Variants in OR10H1 observed in about 807,000 individuals in gnomAD.
OR10H1 encodes olfactory receptor family 10 subfamily H member 1, also known as olfactory receptor 10H1.
Under a neutral mutation model 13.1 loss-of-function variants are expected in OR10H1, and 12 were observed. The ratio of observed to expected loss-of-function variants is 0.92; its 90% CI spans 0.59 to 1.48. The LOEUF is 1.48. Among genes scored for constraint, OR10H1 ranks in the 40% most tolerant of loss-of-function variants. The pLI is 0.00. For synonymous variants in OR10H1, 168 were observed against 175.6 expected, an observed-to-expected ratio of 0.96 and a Z score of 0.34; for missense variants, 363 against 413.1, an observed-to-expected ratio of 0.88 and a Z score of 1.05.
Position 15,807,504 on chromosome 19 carries a change from A to T in OR10H1, c.534T>A (p.Ala178=). 1 of 1,614,230 alleles carries T rather than the reference A, an allele frequency of 6.2e-7. No individual in the cohort carries two copies. The highest frequency in any genetic ancestry group is 8.5e-7 in the Non-Finnish European group (1 of 1,180,054). ...ACTTCAACAGAGGTGGCACATGGCA[A>T]GCAAAATGGTGGATCTCCTTGTGTC... ...FCGHKEIHHF[A]CHVPPLLKLA... is the part of the protein sequence containing the mutation. Residue 178 remains alanine (A), a synonymous_variant, in exon 4 of 4, where the codon GCT becomes GCA. Coordinates refer to ENST00000641419, the MANE Select transcript of OR10H1 (RefSeq NM_013940.4).
chr19:15,805,444 T>TC lies in OR10H1; in HGVS notation c.*1636_*1637insG, dbSNP rs2088890783. The TC allele has an allele frequency of 2.3e-4, 6 of 25,802 alleles. No homozygotes were observed. Among genetic ancestry groups the TC allele is most frequent in the Admixed American group, 1.5e-3 (5 of 3,422 alleles). The allele number at this position is 25,802 out of a possible 1,614,324, so 1.6% of individuals were successfully genotyped here. On this transcript the variant is annotated 3_prime_UTR_variant, in exon 4 of 4. Transcript: ENST00000641419. ...AAGAGACCATGAGGTAAACTTTCTT[T>TC]TTTTTTTTTTTTTTTTTTTTTGAGA...
In OR10H1 at chr19:15,812,224, A is replaced by G. The variant is rs2144944394; in HGVS notation, c.-129+6T>C. 1 of 152,062 alleles carries G rather than the reference A, an allele frequency of 6.6e-6. No individual in the cohort carries two copies. The highest frequency in any genetic ancestry group is 2.4e-5 in the African/African-American group (1 of 41,372). The allele number at this position is 152,062 out of a possible 1,614,324, so 9.4% of individuals were successfully genotyped here. The stretch of plus-strand genomic sequence containing the variant: ...CTGTCTTTTCCTAACCTCTTGTTAT[A>G]CTCACCAGTTGCTGGTGGCTGTTTC... On this transcript the variant is annotated splice_donor_region_variant and intron_variant, in intron 2 of 3. Transcript: ENST00000641419.
At chr19:15,811,700 G>T (rs1238758927) in intron 2 of OR10H1, among the ~76,000 whole-genome samples, 1 of 152,020 alleles carries the variant, frequency 6.6e-6, no homozygotes, top group African/African-American at 2.4e-5. Context: ...CAGTCCTCCT[G>T]GATATTTCTT....
At chr19:15,810,559 T>C (rs958393791) in intron 2 of OR10H1, among the ~76,000 whole-genome samples, 4 of 152,064 alleles carry the variant, frequency 2.6e-5, no homozygotes, top group African/African-American at 7.2e-5. Flanking sequence ...CATCTTTTCA[T>C]GGACATGAGG....
chr19:15,815,078 T>C (rs1262959347), intron 1 of OR10H1, among the ~76,000 whole-genome samples: 1 of 152,116 alleles, frequency 6.6e-6, no homozygotes, highest in Non-Finnish European at 1.5e-5. Flanking sequence ...CGATGGCTCA[T>C]GCCTGTAATC....
In OR10H1 at chr19:15,814,514, A is replaced by T. The variant is rs1439345271; in HGVS notation, c.-778+1041T>A. Among the ~76,000 whole-genome samples, 1,189 of 138,036 alleles carry T rather than the reference A, an allele frequency of 8.6e-3. 14 individuals are homozygous for T. Among genetic ancestry groups the T allele is most frequent in the African/African-American group, 0.029 (1,101 of 38,044 alleles). The allele number at this position is 138,036 out of a possible 152,430, so 90.6% of individuals were successfully genotyped here. A position where few individuals can be genotyped will look rare whatever the true frequency, so the allele number is the denominator to read the frequency against. ...GAGAGAGAGAGAGAGAGAGAGAGAG[A>T]GAGAGAGAGAGAGAGAGAGACAGGG... is the stretch of plus-strand genomic sequence containing the variant. On this transcript the variant is annotated intron_variant, in intron 1 of 3. Coordinates refer to ENST00000641419, the MANE Select transcript of OR10H1 (RefSeq NM_013940.4).
At chr19:15,811,111 C>G (rs1221195874) in intron 2 of OR10H1, among the ~76,000 whole-genome samples, 1 of 152,116 alleles carries the variant, frequency 6.6e-6, no homozygotes, top group African/African-American at 2.4e-5. Flanking sequence ...CATCGTTGGT[C>G]TCCAGAGTTT....
chr19:15,807,646 C>T lies in OR10H1; in HGVS notation c.392G>A (p.Arg131His), dbSNP rs527762025. The change falls in exon 4 of 4, where the codon CGC (arginine) becomes CAC (histidine). Residue 131 changes from arginine to histidine, a missense_variant. Arg to His is a conservative substitution (Grantham distance 29). This residue lies in a region of OR10H1 where 318 missense variants were observed against 366.6 expected (regional missense o/e 0.87). Transcript: ENST00000641419. ...DRYVAICHPL[R>H]YNVLMSPRGC... ...CCGCGGGCTCATGAGCACGTTGTAG[C>T]GCAGGGGGTGGCAGATGGCCACGTA... 9 of 1,614,066 alleles carry T rather than the reference C, an allele frequency of 5.6e-6. No homozygotes were observed. In the East Asian group the frequency reaches 8.9e-5, roughly 16 times the overall value.
At chr19:15,809,914 T>C (rs2088923931) in intron 2 of OR10H1, among the ~76,000 whole-genome samples, 1 of 152,166 alleles carries the variant, frequency 6.6e-6, no homozygotes, top group South Asian at 2.1e-4. Flanking sequence ...CTCCTGGGCT[T>C]AAGCGATCTT....
chr19:15,811,571 A>C (rs1447432538), intron 2 of OR10H1, among the ~76,000 whole-genome samples: 1 of 152,104 alleles, frequency 6.6e-6, no homozygotes, highest in Admixed American at 6.6e-5. Flanking sequence ...GCTGATCCAG[A>C]GAGTGCAGCC....
In OR10H1 at chr19:15,804,616, G is replaced by T. The variant is rs2088885426; in HGVS notation, c.*2465C>A. ...ATATGTGCCACATTTTCTTAATCCAGTCTATCATTGTTGGACATTTGGGTT... is the reference window on the plus strand; with the variant it reads ...ATATGTGCCACATTTTCTTAATCCATTCTATCATTGTTGGACATTTGGGTT... On this transcript the variant is annotated 3_prime_UTR_variant, in exon 4 of 4. Coordinates refer to ENST00000641419, the MANE Select transcript of OR10H1 (RefSeq NM_013940.4). The T allele has an allele frequency of 6.6e-6, 1 of 152,116 alleles. No homozygotes were observed. The allele number at this position is 152,116 out of a possible 1,614,324, so 9.4% of individuals were successfully genotyped here. A position where few individuals can be genotyped will look rare whatever the true frequency, so the allele number is the denominator to read the frequency against.
intron 1 of OR10H1, among the ~76,000 whole-genome samples, chr19:15,813,236 T>C (rs1449105246): frequency 6.6e-6 from 1 of 152,090 alleles, no homozygotes; most frequent in Non-Finnish European, 1.5e-5. Flanking sequence ...GCAGTATCTA[T>C]CTGCTCTATG....
intron 1 of OR10H1, among the ~76,000 whole-genome samples, chr19:15,813,160 A>C (rs57213603): frequency 0.023 from 3,434 of 152,038 alleles, 148 homozygotes; most frequent in African/African-American, 0.079. Flanking sequence ...AAAAAAAAAA[A>C]AATCCCAGTT....
At chr19:15,815,340 C>CAAAA (rs10648172) in intron 1 of OR10H1, among the ~76,000 whole-genome samples, 6 of 115,840 alleles carry the variant, frequency 5.2e-5, no homozygotes, top group East Asian at 2.8e-4. Flanking sequence ...GATTCCGTCT[C>CAAAA]AAAAAAAAAA....
At position 15,808,785 on chromosome 19, in the gene OR10H1, G is replaced by T. The variant is rs544023332; in HGVS notation, c.-72C>A. On this transcript the variant is annotated 5_prime_UTR_variant, in exon 3 of 4. Transcript: ENST00000641419. The stretch of plus-strand genomic sequence containing the variant: ...GAATCTCTTGAACCTGGGAGGCGGA[G>T]GTTGCAGTAAGCCGAGATGGCGCCA... The T allele has an allele frequency of 6.6e-6, 1 of 152,198 alleles. No homozygotes were observed. The highest frequency in any genetic ancestry group is 1.9e-4 in the East Asian group (1 of 5,180). The allele number at this position is 152,198 out of a possible 1,614,324, so 9.4% of individuals were successfully genotyped here.
rs371613862 is a variant in OR10H1 at position 15,812,616 on chromosome 19, GAGGAAAGAAGGAGAGTGAGGA to G, written c.-536_-516del. ...GAGGCAGGAAGGAAGGAGAGTGAGG[GAGGAAAGAAGGAGAGTGAGGA>G]AGGAAGGAAGAAAGGGAGGGAGGGA... On this transcript the variant is annotated 5_prime_UTR_variant, in exon 2 of 4. Coordinates refer to ENST00000641419, the MANE Select transcript of OR10H1 (RefSeq NM_013940.4). The G allele has an allele frequency of 1.8e-3, 267 of 146,586 alleles. 1 individual carries two copies. Among genetic ancestry groups the G allele is most frequent in the African/African-American group, 6.3e-3 (249 of 39,276 alleles). The allele number at this position is 146,586 out of a possible 1,614,324, so 9.1% of individuals were successfully genotyped here.
chr19:15,811,598 C>G (rs1217832819), intron 2 of OR10H1, among the ~76,000 whole-genome samples: 1 of 152,260 alleles, frequency 6.6e-6, no homozygotes, highest in East Asian at 1.9e-4. Context: ...CCTTCACACC[C>G]TCCCTCTGCT....
At chr19:15,814,438 G>A (rs1232157163) in intron 1 of OR10H1, among the ~76,000 whole-genome samples, 5 of 137,754 alleles carry the variant, frequency 3.6e-5, no homozygotes, top group South Asian at 2.5e-4. Flanking sequence ...TCCCATTGAC[G>A]CCTCCCTTGT....
rs375042545 is a variant in OR10H1 at position 15,807,522 on chromosome 19, C to T, written c.516G>A (p.Lys172=). The change falls in exon 4 of 4, where the codon AAG becomes AAA. Residue 172 remains lysine, a synonymous_variant. Transcript: ENST00000641419. The part of the protein sequence containing the change: ...AIFHLAFCGH[K]EIHHFACHVP... ...CATGGCAAGCAAAATGGTGGATCTC[C>T]TTGTGTCCACAGAAGGCGAGGTGGA... is the stretch of plus-strand genomic sequence containing the variant. 2.0e-5 allele frequency: 33 copies of T among 1,614,102 alleles called. No homozygotes were observed. The African/African-American group carries it at 4.1e-4, about 20-fold the overall frequency.
Sources: allele counts gnomAD v4.1 joint callset (sites outside exome capture counted in the v4.1 genomes callset), GRCh38; gene constraint gnomAD v4.1.1; regional missense constraint gnomAD v4.1.1; transcripts MANE v1.5; gene names NCBI Gene and HGNC (gene_info 2026-07-23, HGNC 2026-07-21).